The following ANO4 variants were observed in gnomAD, a reference collection of about 807,000 sequenced individuals.
ANO4 encodes the protein anoctamin 4.
In ANO4, 69 loss-of-function variants were observed where a neutral mutation model predicts 141.9. That is an observed-to-expected ratio of 0.49 (90% CI 0.40 to 0.59). ANO4 has a LOEUF of 0.59. ANO4 is among the 20% of genes least tolerant of loss of function. The pLI is 0.00. For synonymous variants in ANO4, 350 were observed against 394.3 expected (o/e 0.89, Z 1.33); for missense variants, 894 against 1,162.2 (o/e 0.77, Z 3.36).
intron 1 of ANO4, among the ~76,000 whole-genome samples, chr12:100,812,765 T>A (rs1424035924): frequency 6.6e-6 from 1 of 152,120 alleles, no homozygotes; most frequent in East Asian, 1.9e-4. Context: ...CTCCCAGGAG[T>A]CCCTATGAAG....
At chr12:101,072,776 A>C (rs1381410136) in intron 14 of ANO4, among the ~76,000 whole-genome samples, 2 of 152,210 alleles carry the variant, frequency 1.3e-5, no homozygotes, top group East Asian at 3.8e-4. Context: ...TGGGCAAAGG[A>C]TATGAATAGA....
intron 1 of ANO4, among the ~76,000 whole-genome samples, chr12:100,888,846 C>CT (rs1279388338): frequency 4.0e-5 from 6 of 151,160 alleles, no homozygotes; most frequent in Admixed American, 2.0e-4. Flanking sequence ...ACTTAATGTT[C>CT]TTTTTTTTCT....
chr12:101,045,879 A>C (rs1326636068), intron 13 of ANO4, among the ~76,000 whole-genome samples: 1 of 152,104 alleles, frequency 6.6e-6, no homozygotes, highest in Non-Finnish European at 1.5e-5. Flanking sequence ...TGTCTCCTTA[A>C]GTGGATTTTT....
chr12:100,938,473 G>T (rs1323510386), intron 3 of ANO4, among the ~76,000 whole-genome samples: 1 of 152,190 alleles, frequency 6.6e-6, no homozygotes, highest in Non-Finnish European at 1.5e-5. Context: ...GCTTCTGACA[G>T]GTTATAAACC....
At position 101,008,381 on chromosome 12, in the gene ANO4, A is replaced by T. The variant is rs1000289363; in HGVS notation, c.735-11653A>T. On this transcript the variant is annotated intron_variant, in intron 8 of 27. Transcript: ENST00000392977. ...TCATATCTAAATAAACTATTTTATT[A>T]TTACTTTGCTGTTTTTCAGTTATAG... Among the ~76,000 whole-genome samples the T allele has an allele frequency of 7.2e-5, 11 of 152,168 alleles. 1 individual carries two copies. The South Asian group carries it at 2.3e-3, about 32-fold the overall frequency.
chr12:101,091,494 C>CT (rs2049772280), intron 17 of ANO4, among the ~76,000 whole-genome samples: 1 of 152,118 alleles, frequency 6.6e-6, no homozygotes, highest in African/African-American at 2.4e-5. Flanking sequence ...TAAGTCGTTT[C>CT]TATCAGCATA....
At chr12:100,923,702 G>T (rs1015939128) in intron 3 of ANO4, among the ~76,000 whole-genome samples, 6 of 152,080 alleles carry the variant, frequency 3.9e-5, no homozygotes, top group Admixed American at 3.9e-4. Flanking sequence ...CCTCCTTGAG[G>T]AATCACTACA....
chr12:101,120,500 AT>A lies in ANO4; in HGVS notation c.2571-15del. On this transcript the variant is annotated intron_variant, in intron 25 of 27. Coordinates refer to ENST00000392977, the MANE Select transcript of ANO4 (RefSeq NM_001286615.2). ...AGAAAAATCATAGTTTGAATGCAAC[AT>A]TTTTCTGTGTCTTTATAGATACCGG... 6.2e-7 allele frequency: 1 copy of A among 1,600,812 alleles called. No individual in the cohort carries two copies. Among genetic ancestry groups the A allele is most frequent in the Non-Finnish European group, 8.6e-7 (1 of 1,168,476 alleles).
At chr12:101,046,428 A>T (rs576755576) in intron 13 of ANO4, among the ~76,000 whole-genome samples, 1 of 152,320 alleles carries the variant, frequency 6.6e-6, no homozygotes, top group East Asian at 1.9e-4. Flanking sequence ...AGGCTAGAGT[A>T]GAGCTTATGT....
intron 2 of ANO4, among the ~76,000 whole-genome samples, chr12:100,739,055 C>A (rs1196769528): frequency 5.3e-5 from 7 of 132,272 alleles, no homozygotes; most frequent in Non-Finnish European, 9.9e-5. Context: ...ATATATATAT[C>A]TAAATCTTTA....
intron 1 of ANO4, among the ~76,000 whole-genome samples, chr12:100,836,694 C>A (rs1394803464): frequency 6.6e-6 from 1 of 151,978 alleles, no homozygotes; most frequent in Non-Finnish European, 1.5e-5. Flanking sequence ...GGGAGTTTTT[C>A]TTCAAATGGA....
chr12:101,116,233 A>C (rs1163573601), intron 24 of ANO4, among the ~76,000 whole-genome samples: 1 of 152,188 alleles, frequency 6.6e-6, no homozygotes, highest in Non-Finnish European at 1.5e-5. Context: ...GTCTAACAGG[A>C]CTGTAGCATG....
intron 15 of ANO4, among the ~76,000 whole-genome samples, chr12:101,080,829 A>T (rs994902710): frequency 6.9e-6 from 1 of 145,824 alleles, no homozygotes; most frequent in African/African-American, 2.5e-5. Context: ...CCTGTCTCAA[A>T]TAAATAATGT....
intron 3 of ANO4, among the ~76,000 whole-genome samples, chr12:100,758,029 G>A (rs908227043): frequency 6.6e-5 from 10 of 152,158 alleles, no homozygotes; most frequent in African/African-American, 2.2e-4. Flanking sequence ...AGAAAAGATC[G>A]TGAGGATCAC....
intron 26 of ANO4, among the ~76,000 whole-genome samples, chr12:101,125,423 T>G (rs2051270443): frequency 6.6e-6 from 1 of 152,164 alleles, no homozygotes; most frequent in African/African-American, 2.4e-5. Context: ...AAAAAGATAA[T>G]TTGACTTCCT....
At position 101,079,186 on chromosome 12, in the gene ANO4, G is replaced by T; in HGVS notation, c.1313-7G>T. On this transcript the variant is annotated splice_region_variant and splice_polypyrimidine_tract_variant and intron_variant, in intron 14 of 27. Transcript: ENST00000392977. ...AAAATGTCTTTGTCTTTCTCTGCTT[G>T]TTCCAGCAACAGTTTTCCTGGAGTT... The T allele has an allele frequency of 1.2e-6, 2 of 1,612,962 alleles. No individual in the cohort carries two copies. The highest frequency in any genetic ancestry group is 1.7e-6 in the Non-Finnish European group (2 of 1,179,048).
upstream of ANO4, among the ~76,000 whole-genome samples, chr12:100,790,439 T>C (rs2034006893): frequency 6.6e-6 from 1 of 152,204 alleles, no homozygotes; most frequent in Non-Finnish European, 1.5e-5. Context: ...CAGCCCCTAA[T>C]TCTGTGTTGA....
chr12:100,725,343 C>CTTTTTTT (rs5800419), intron 1 of ANO4, among the ~76,000 whole-genome samples: 4 of 114,950 alleles, frequency 3.5e-5, no homozygotes, highest in Non-Finnish European at 5.2e-5. Context: ...AAATTGGTAT[C>CTTTTTTT]TTTTTTTTTT....
intron 1 of ANO4, among the ~76,000 whole-genome samples, chr12:100,889,651 C>A (rs1045630464): frequency 7.2e-5 from 11 of 152,304 alleles, no homozygotes; most frequent in African/African-American, 2.4e-4. Flanking sequence ...CTCATCATCA[C>A]TGGCCATCAG....
Sources: allele counts gnomAD v4.1 joint callset (sites outside exome capture counted in the v4.1 genomes callset), GRCh38; gene constraint gnomAD v4.1.1; transcripts MANE v1.5; gene names NCBI Gene and HGNC (gene_info 2026-07-23, HGNC 2026-07-21).